ANO3: variants seen among roughly 807,000 people sequenced by gnomAD.
ANO3 encodes anoctamin-3.
A neutral mutation model predicts 144.8 loss-of-function variants in ANO3; 99 were observed. The observed-to-expected ratio is 0.68, with a 90% CI of 0.58 to 0.81. The LOEUF is 0.81. Among genes scored for constraint, ANO3 ranks in the 30% least tolerant of loss-of-function variants. ANO3 has a pLI of 0.00. For synonymous variants in ANO3, 414 were observed against 392.6 expected (o/e 1.05, Z -0.64); for missense variants, 905 against 1,202.2 (o/e 0.75, Z 3.66).
At chr11:26,239,137 A>G (rs547528426) in intron 1 of ANO3, among the ~76,000 whole-genome samples, 2 of 151,560 alleles carry the variant, frequency 1.3e-5, no homozygotes, top group Non-Finnish European at 2.9e-5. Context: ...ACCTAATAAA[A>G]ATTATATTAC....
chr11:26,357,109 G>A (rs923324116), intron 1 of ANO3, among the ~76,000 whole-genome samples: 2 of 152,126 alleles, frequency 1.3e-5, no homozygotes, highest in Admixed American at 6.5e-5. Context: ...ACAAAATATT[G>A]CTTATCCATT....
intron 4 of ANO3, among the ~76,000 whole-genome samples, chr11:26,473,741 ACT>A (rs1490990461): frequency 6.6e-5 from 10 of 151,916 alleles, no homozygotes; most frequent in African/African-American, 2.4e-4. Flanking sequence ...TAAAAATGTC[ACT>A]GACGTTATAT....
At chr11:26,238,133 C>T (rs1436656574) in intron 1 of ANO3, among the ~76,000 whole-genome samples, 1 of 152,108 alleles carries the variant, frequency 6.6e-6, no homozygotes, top group Non-Finnish European at 1.5e-5. Context: ...TGTGCATGGG[C>T]ATGAATGCAA....
chr11:26,231,646 A>G (rs1167706127), intron 1 of ANO3, among the ~76,000 whole-genome samples: 2 of 152,198 alleles, frequency 1.3e-5, no homozygotes, highest in Non-Finnish European at 2.9e-5. Context: ...TCTTTCTATC[A>G]TAAGCCATAT....
rs895737046 is a variant in ANO3, at chr11:26,597,929, C to T, written c.1448-436C>T. ...GTCTTTCTTTTCTTCTCCTTCACCA[C>T]GAGAGTTTGTTCTTTTGTTCTCTCT... On this transcript the variant is annotated intron_variant, in intron 14 of 26. Transcript: ENST00000256737. 4.6e-5 allele frequency among the ~76,000 whole-genome samples: 7 copies of T among 152,116 alleles called. No homozygotes were observed. In the South Asian group the frequency reaches 6.2e-4, roughly 14 times the overall value.
intron 14 of ANO3, 90 bp downstream of exon 14, chr11:26,559,869 CACA>C: frequency 3.7e-6 from 3 of 813,398 alleles, no homozygotes; most frequent in South Asian, 1.6e-5. Context: ...CACACACACA[CACA>C]CACCATGAAT....
chr11:26,630,202 G>A (rs529776946), intron 18 of ANO3, among the ~76,000 whole-genome samples: 1 of 152,266 alleles, frequency 6.6e-6, no homozygotes, highest in Admixed American at 6.5e-5. Context: ...ACAAATAAAT[G>A]TGTTGAATAT....
At chr11:26,461,117 C>T (rs1039189603) in intron 3 of ANO3, among the ~76,000 whole-genome samples, 1 of 151,876 alleles carries the variant, frequency 6.6e-6, no homozygotes, top group East Asian at 1.9e-4. Flanking sequence ...CGAGAGCAAG[C>T]GAGCGAGCGC....
At position 26,269,751 on chromosome 11, in the gene ANO3, C is replaced by T. The variant is rs149880149; in HGVS notation, c.155-39894C>T. 5.0e-4 allele frequency among the ~76,000 whole-genome samples: 76 copies of T among 152,308 alleles called. 1 individual carries two copies. Among genetic ancestry groups the T allele is most frequent in the African/African-American group, 1.8e-3 (74 of 41,554 alleles). ...AGTCAGATGACTGGATTCACATTCACGCTCTGCTACCTTTTCGGGTTTGAC... is the reference window on the plus strand; with the variant it reads ...AGTCAGATGACTGGATTCACATTCATGCTCTGCTACCTTTTCGGGTTTGAC... On this transcript the variant is annotated intron_variant, in intron 1 of 27. Transcript: ENST00000672621.
intron 1 of ANO3, among the ~76,000 whole-genome samples, chr11:26,281,902 A>T (rs1853686871): frequency 6.6e-6 from 1 of 152,164 alleles, no homozygotes; most frequent in Non-Finnish European, 1.5e-5. Context: ...AACCCAGCAC[A>T]TGTGCATATG....
chr11:26,517,361 T>C (rs1178447116), intron 6 of ANO3, among the ~76,000 whole-genome samples: 2 of 151,972 alleles, frequency 1.3e-5, no homozygotes, highest in Non-Finnish European at 2.9e-5. Flanking sequence ...ACCAGGAAGG[T>C]TTCTTAATTC....
chr11:26,537,891 G>A (rs577145086), intron 10 of ANO3, among the ~76,000 whole-genome samples: 3 of 152,238 alleles, frequency 2.0e-5, no homozygotes, highest in African/African-American at 7.2e-5. Context: ...CCTCCCTACA[G>A]GTTTTAAATA....
At chr11:26,477,924 G>A (rs964934344) in intron 4 of ANO3, among the ~76,000 whole-genome samples, 26 of 152,070 alleles carry the variant, frequency 1.7e-4, no homozygotes, top group African/African-American at 6.0e-4. Flanking sequence ...TCATTGCATC[G>A]TTATGAATCA....
At chr11:26,267,098 A>C (rs1024243070) in intron 1 of ANO3, among the ~76,000 whole-genome samples, 8 of 118,632 alleles carry the variant, frequency 6.7e-5, no homozygotes, top group Admixed American at 4.3e-4. Flanking sequence ...TCAAACAAAC[A>C]AAAAAAAAAA....
chr11:26,190,047 G>T (rs577084384), intron 1 of ANO3, among the ~76,000 whole-genome samples: 43 of 152,200 alleles, frequency 2.8e-4, no homozygotes, highest in African/African-American at 1.0e-3. Flanking sequence ...AAAAATGTTT[G>T]CCTGATGGAT....
intron 1 of ANO3, among the ~76,000 whole-genome samples, chr11:26,221,768 G>A (rs1018623360): frequency 1.5e-4 from 23 of 152,170 alleles, no homozygotes; most frequent in African/African-American, 5.3e-4. Flanking sequence ...AGAGGAAAGG[G>A]GGAGGTGCCA....
chr11:26,621,768 A>T (rs180818463), intron 17 of ANO3, among the ~76,000 whole-genome samples: 1 of 152,298 alleles, frequency 6.6e-6, no homozygotes, highest in East Asian at 1.9e-4. Context: ...TATAATGAAT[A>T]TATTAATTAA....
chr11:26,441,856 C>G, intron 1 of ANO3, 62 bp from the exon 2 acceptor site: 1 of 1,297,834 alleles, frequency 7.7e-7, no homozygotes, highest in Admixed American at 2.2e-5. Flanking sequence ...AGAATTAAAA[C>G]TTTTTATTGA....
chr11:26,461,908 A>C (rs952253151), intron 3 of ANO3, among the ~76,000 whole-genome samples: 1 of 151,992 alleles, frequency 6.6e-6, no homozygotes, highest in South Asian at 2.1e-4. Flanking sequence ...TTAACCATCA[A>C]TGAGTTAGGT....
Sources: allele counts gnomAD v4.1 joint callset (sites outside exome capture counted in the v4.1 genomes callset), GRCh38; gene constraint gnomAD v4.1.1; transcripts MANE v1.5; gene names NCBI Gene and HGNC (gene_info 2026-07-23, HGNC 2026-07-21).